The following CDH18 variants were observed in gnomAD, a reference collection of about 807,000 sequenced individuals.
The protein encoded by CDH18 is cadherin 18, also known as cadherin-18.
CDH18 carries 31 observed loss-of-function variants against 67.9 expected under a neutral mutation model. The ratio of observed to expected loss-of-function variants is 0.46; its 90% CI spans 0.34 to 0.62. The LOEUF (loss-of-function observed/expected upper bound fraction) is 0.62. Among genes scored for constraint, CDH18 ranks in the 20% least tolerant of loss-of-function variants. The pLI is 0.01. For synonymous variants in CDH18, 362 were observed against 347.2 expected, an observed-to-expected ratio of 1.04 and a Z score of -0.48; for missense variants, 890 against 975.5, an observed-to-expected ratio of 0.91 and a Z score of 1.17.
chr5:20,405,998 G>T (rs545830549), intron 1 of CDH18, among the ~76,000 whole-genome samples: 9 of 152,256 alleles, frequency 5.9e-5, no homozygotes, highest in Admixed American at 5.9e-4. Flanking sequence ...CTGTAAACGA[G>T]TTCAACCATT....
chr5:19,813,514 C>T (rs899811496), intron 3 of CDH18, among the ~76,000 whole-genome samples: 7 of 151,872 alleles, frequency 4.6e-5, no homozygotes, highest in Non-Finnish European at 1.0e-4. Context: ...ATTAGAGAGA[C>T]TCTTCAGAAA....
chr5:20,110,830 A>G lies in CDH18; in HGVS notation c.-517-118816T>C, dbSNP rs1747395846. ...TGAGAATATGGAATGTTAAAAGCAC[A>G]CTTTTATTTTTCACTAATCGAATTT... On this transcript the variant is annotated intron_variant, in intron 2 of 14. Coordinates refer to the CDH18 transcript ENST00000507958. Among the ~76,000 whole-genome samples the G allele has an allele frequency of 2.0e-5, 3 of 152,224 alleles. No individual in the cohort carries two copies. The South Asian group carries it at 6.2e-4, about 31-fold the overall frequency.
chr5:19,710,907 T>C (rs1581002217), intron 5 of CDH18, among the ~76,000 whole-genome samples: 1 of 151,914 alleles, frequency 6.6e-6, no homozygotes, highest in Non-Finnish European at 1.5e-5. Context: ...AATAGACACA[T>C]AGATCAAAGA....
At chr5:20,248,495 A>C (rs1432860159) in intron 2 of CDH18, among the ~76,000 whole-genome samples, 1 of 152,232 alleles carries the variant, frequency 6.6e-6, no homozygotes, top group Non-Finnish European at 1.5e-5. Flanking sequence ...CCAAACTAGC[A>C]GCAGCAGAAG....
At chr5:19,709,467 T>G (rs1373329107) in intron 5 of CDH18, among the ~76,000 whole-genome samples, 2 of 152,058 alleles carry the variant, frequency 1.3e-5, no homozygotes, top group South Asian at 4.1e-4. Context: ...CTCAGGAGGC[T>G]GAGGCTGGAG....
At chr5:19,747,904 C>G (rs533600426) in intron 3 of CDH18, among the ~76,000 whole-genome samples, 1 of 150,712 alleles carries the variant, frequency 6.6e-6, no homozygotes, top group African/African-American at 2.4e-5. Flanking sequence ...GTCAGCAGAT[C>G]GAGACCATCC....
chr5:19,531,440 A>G (rs926774816), intron 9 of CDH18, among the ~76,000 whole-genome samples: 1 of 152,186 alleles, frequency 6.6e-6, no homozygotes, highest in African/African-American at 2.4e-5. Flanking sequence ...ACGGGGAAAA[A>G]TACCCTGGCA....
intron 2 of CDH18, among the ~76,000 whole-genome samples, chr5:19,902,965 T>C (rs1167049226): frequency 6.6e-6 from 1 of 152,140 alleles, no homozygotes; most frequent in Admixed American, 6.5e-5. Context: ...TTTACTATCA[T>C]TTTCATTATA....
intron 3 of CDH18, among the ~76,000 whole-genome samples, chr5:19,780,437 A>C (rs1264016679): frequency 6.6e-6 from 1 of 152,118 alleles, no homozygotes; most frequent in Non-Finnish European, 1.5e-5. Context: ...TTATCAATAC[A>C]TTGTATCCTA....
At chr5:19,488,275 T>A (rs1292030515) in intron 11 of CDH18, among the ~76,000 whole-genome samples, 1 of 152,202 alleles carries the variant, frequency 6.6e-6, no homozygotes, top group Non-Finnish European at 1.5e-5. Context: ...TTAAAAAGTA[T>A]GTGTTTTTTG....
At chr5:19,736,674 C>T (rs1049109075) in intron 4 of CDH18, among the ~76,000 whole-genome samples, 2 of 152,072 alleles carry the variant, frequency 1.3e-5, no homozygotes, top group Non-Finnish European at 2.9e-5. Context: ...AAAGCTATCA[C>T]ATTTGGTTCT....
chr5:20,173,616 A>T (rs979380626), intron 2 of CDH18, among the ~76,000 whole-genome samples: 1 of 152,126 alleles, frequency 6.6e-6, no homozygotes, highest in African/African-American at 2.4e-5. Context: ...TAAAAATATC[A>T]CTGACTAGAG....
In CDH18 at chr5:19,472,897, AAAATAAATCACAATATATTGAAAC is replaced by A. The variant is rs1339095188; in HGVS notation, c.*305_*328del. On this transcript the variant is annotated 3_prime_UTR_variant, in exon 13 of 13. Coordinates refer to ENST00000382275, the MANE Select transcript of CDH18 (RefSeq NM_004934.5). ...TTTCTGTTTAGTTTTGCTTTTGAAAAAAATAAATCACAATATATTGAAACAAATATCATTGTTTGGCTTAATTCA... is the reference window on the plus strand; with the variant it reads ...TTTCTGTTTAGTTTTGCTTTTGAAAAAAATATCATTGTTTGGCTTAATTCA... 3 of 195,324 alleles carry A rather than the reference AAAATAAATCACAATATATTGAAAC, an allele frequency of 1.5e-5. No individual in the cohort carries two copies. Among genetic ancestry groups the A allele is most frequent in the Non-Finnish European group, 3.2e-5 (3 of 94,086 alleles). The allele number at this position is 195,324 out of a possible 1,614,324, so 12.1% of individuals were successfully genotyped here.
intron 2 of CDH18, among the ~76,000 whole-genome samples, chr5:20,252,971 A>C (rs912303029): frequency 2.0e-5 from 3 of 151,664 alleles, no homozygotes; most frequent in Non-Finnish European, 2.9e-5. Context: ...GAAAATGTTT[A>C]ATTCATTTGA....
chr5:19,999,232 A>G (rs534088518), intron 2 of CDH18, among the ~76,000 whole-genome samples: 59 of 152,168 alleles, frequency 3.9e-4, no homozygotes, highest in African/African-American at 1.4e-3. Context: ...ACACACACAC[A>G]CACACGCACA....
chr5:19,550,048 G>C (rs897893216), intron 8 of CDH18, among the ~76,000 whole-genome samples: 18 of 151,824 alleles, frequency 1.2e-4, no homozygotes, highest in Non-Finnish European at 2.4e-4. Flanking sequence ...CAGAGAGAAA[G>C]AAAGATCTTA....
At chr5:19,643,186 AT>A in intron 5 of CDH18, among the ~76,000 whole-genome samples, 1 of 152,184 alleles carries the variant, frequency 6.6e-6, no homozygotes, top group Non-Finnish European at 1.5e-5. Flanking sequence ...ATAAATGATA[AT>A]TATTGGCGAG....
intron 2 of CDH18, among the ~76,000 whole-genome samples, chr5:20,085,587 G>C (rs1407314012): frequency 1.3e-5 from 2 of 152,068 alleles, no homozygotes; most frequent in Non-Finnish European, 2.9e-5. Context: ...ATATACCTGG[G>C]ACTAGACAAT....
Position 20,356,749 on chromosome 5 carries a change from C to CTA in CDH18, c.-579-101245_-579-101244insTA, listed in dbSNP as rs1287623869. 4.2e-3 allele frequency among the ~76,000 whole-genome samples: 540 copies of CTA among 129,098 alleles called. 2 individuals are homozygous for CTA. Among genetic ancestry groups the CTA allele is most frequent in the South Asian group, 0.013 (52 of 3,916 alleles). The allele number at this position is 129,098 out of a possible 152,430, so 84.7% of individuals were successfully genotyped here. ...TCTCTCTCTCTCTCTCTCTCTCTCT[C>CTA]TCTCTATATATATATATATATACAC... is the stretch of plus-strand genomic sequence containing the variant. On this transcript the variant is annotated intron_variant, in intron 1 of 14. Transcript: ENST00000507958.
Sources: allele counts gnomAD v4.1 joint callset (sites outside exome capture counted in the v4.1 genomes callset), GRCh38; gene constraint gnomAD v4.1.1; transcripts MANE v1.5; gene names NCBI Gene and HGNC (gene_info 2026-07-23, HGNC 2026-07-21).